The following NPHP4 variants were observed in gnomAD, a reference collection of about 807,000 sequenced individuals.
The protein encoded by NPHP4 is nephrocystin-4.
In NPHP4, 151 loss-of-function variants were observed where a neutral mutation model predicts 155.8. The observed-to-expected ratio is 0.97, with a 90% CI of 0.85 to 1.11. NPHP4 has a LOEUF of 1.11. Ranked by LOEUF, NPHP4 falls within the 50% of genes least tolerant of loss-of-function variation. The pLI, the probability that NPHP4 is intolerant of heterozygous loss-of-function variation, is 0.00. For missense variants in NPHP4, 1,956 were observed against 1,925.7 expected (o/e 1.02, Z -0.29); for synonymous variants, 845 against 816.8 (o/e 1.03, Z -0.59).
At chr1:5,877,719 C>T (rs572021624) in intron 19 of NPHP4, among the ~76,000 whole-genome samples, 2 of 152,294 alleles carry the variant, frequency 1.3e-5, no homozygotes, top group East Asian at 3.9e-4. Flanking sequence ...TGGCAGGAGG[C>T]CTTCAGTGAG....
intron 9 of NPHP4, among the ~76,000 whole-genome samples, chr1:5,938,958 A>G (rs1053338049): frequency 6.6e-6 from 1 of 152,252 alleles, no homozygotes; most frequent in African/African-American, 2.4e-5. Flanking sequence ...ACGGAAAATT[A>G]CTGTATCTTG....
At position 5,874,945 on chromosome 1, in the gene NPHP4, A is replaced by T; in HGVS notation, c.2973T>A (p.Phe991Leu). 1 of 1,613,448 alleles carries T rather than the reference A, an allele frequency of 6.2e-7. No homozygotes were observed. Among genetic ancestry groups the T allele is most frequent in the Non-Finnish European group, 8.5e-7 (1 of 1,179,814 alleles). ...LHATLGVAEF[F>L]EFVLKNPHNT... ...TGTGGGGGTTCTTAAGCACAAACTCAAAGAACTCGGCGACCCCCAGCGTGG... is the reference window on the plus strand; with the variant it reads ...TGTGGGGGTTCTTAAGCACAAACTCTAAGAACTCGGCGACCCCCAGCGTGG... The change falls in exon 21 of 30, where the codon TTT (phenylalanine) becomes TTA (leucine). Residue 991 changes from phenylalanine (F) to leucine (L), a missense_variant. Transcript: ENST00000378156.
intron 9 of NPHP4, among the ~76,000 whole-genome samples, chr1:5,935,029 G>A (rs12098207): frequency 0.023 from 3,557 of 152,122 alleles, 93 homozygotes; most frequent in African/African-American, 0.071. Context: ...TCTAAAATCC[G>A]GACACAGATG....
chr1:5,940,726 A>C (rs1460572355), intron 9 of NPHP4, among the ~76,000 whole-genome samples: 1 of 152,232 alleles, frequency 6.6e-6, no homozygotes, highest in Admixed American at 6.5e-5. Context: ...ACCCATGAAA[A>C]AATTTAATAA....
Position 5,892,596 on chromosome 1 carries a change from C to T in NPHP4, c.2144-1568G>A, listed in dbSNP as rs1287304521. On this transcript the variant is annotated intron_variant, in intron 16 of 29. Transcript: ENST00000378156. This position sits in a 1 kb window ranked among gnomAD's most constrained non-coding sequence, Gnocchi z 4.5. ...GGTGACAGAATGGGGGCCGGTCCAG[C>T]GGGGCACTGGAAGGAGCTCCCCAGG... is the stretch of plus-strand genomic sequence containing the variant. 6.6e-6 allele frequency among the ~76,000 whole-genome samples: 1 copy of T among 152,068 alleles called. No homozygotes were observed. The highest frequency in any genetic ancestry group is 6.5e-5 in the Admixed American group (1 of 15,278).
At chr1:5,886,086 G>A (rs1400636166) in intron 18 of NPHP4, among the ~76,000 whole-genome samples, 1 of 152,228 alleles carries the variant, frequency 6.6e-6, no homozygotes, top group Non-Finnish European at 1.5e-5. Flanking sequence ...TGGAGTCACT[G>A]CACATTTGGT....
intron 29 of NPHP4, chr1:5,863,657 T>C: frequency 1.3e-5 from 8 of 622,104 alleles, no homozygotes; most frequent in Admixed American, 2.8e-5. Context: ...AACATTACCA[T>C]GAAAAGCCCT....
chr1:5,877,014 G>A, intron 20 of NPHP4, 79 bp downstream of exon 20: 1 of 962,618 alleles, frequency 1.0e-6, no homozygotes, highest in East Asian at 3.3e-5. Context: ...AGAATCATGT[G>A]GGAGGCAGGG....
At position 5,933,134 on chromosome 1, in the gene NPHP4, C is replaced by T; in HGVS notation, c.1302+13G>A. On this transcript the variant is annotated intron_variant, in intron 10 of 29. Coordinates refer to ENST00000378156, the MANE Select transcript of NPHP4 (RefSeq NM_015102.5). The stretch of plus-strand genomic sequence containing the variant: ...GCTCACCGGAGATGCATAAGAAATA[C>T]CTAATAATTTACCTCTTCAGAGCTC... The T allele has an allele frequency of 6.6e-7, 1 of 1,519,424 alleles. No individual in the cohort carries two copies. The highest frequency in any genetic ancestry group is 1.4e-5 in the African/African-American group (1 of 72,326). The allele number at this position is 1,519,424 out of a possible 1,614,324, so 94.1% of individuals were successfully genotyped here.
At chr1:5,911,183 C>G (rs12072386) in intron 11 of NPHP4, among the ~76,000 whole-genome samples, 29,872 of 152,124 alleles carry the variant, frequency 0.2, 3,266 homozygotes, top group African/African-American at 0.3. Flanking sequence ...AGGGGCCCAG[C>G]TGTCCTCAAA....
At position 5,877,241 on chromosome 1, in the gene NPHP4, A is replaced by T. The variant is rs746815980; in HGVS notation, c.2669T>A (p.Met890Lys). Residue 890 changes from methionine (M) to lysine (K), a missense_variant, in exon 20 of 30, where the codon ATG becomes AAG. Transcript: ENST00000378156. The part of the protein sequence containing the change: ...LADVDSELAA[M>K]LLTHARQGKG... The stretch of plus-strand genomic sequence containing the variant: ...GCCCTGCCGGGCATGGGTCAGTAGC[A>T]TGGCAGCCAGCTCACTGTCCACGTC... 6.2e-7 allele frequency: 1 copy of T among 1,608,636 alleles called. No individual in the cohort carries two copies. Among genetic ancestry groups the T allele is most frequent in the Admixed American group, 1.7e-5 (1 of 59,752 alleles).
chr1:5,964,935 A>ATTTTTTTTTTTT lies in NPHP4; in HGVS notation c.517+2363_517+2364insAAAAAAAAAAAA, dbSNP rs1476774217. Among the ~76,000 whole-genome samples, 60 of 31,938 alleles carry ATTTTTTTTTTTT rather than the reference A, an allele frequency of 1.9e-3. 3 individuals carry two copies. The highest frequency in any genetic ancestry group is 4.1e-3 in the African/African-American group (21 of 5,116). The allele number at this position is 31,938 out of a possible 152,430, so 21.0% of individuals were successfully genotyped here. A position where few individuals can be genotyped will look rare whatever the true frequency, so the allele number is the denominator to read the frequency against. ...ATATATATTATATATATATATATAT[A>ATTTTTTTTTTTT]TATATATTTTTTTTTTTTGAGGCAG... On this transcript the variant is annotated intron_variant, in intron 5 of 29. Coordinates refer to ENST00000378156, the MANE Select transcript of NPHP4 (RefSeq NM_015102.5).
intron 17 of NPHP4, chr1:5,888,705 A>C: frequency 2.1e-6 from 2 of 972,442 alleles, no homozygotes; most frequent in South Asian, 1.4e-5. Flanking sequence ...TTCCTCCCAA[A>C]TCATTATCAA....
rs188641588 is a variant in NPHP4, at chr1:5,912,646, G to C, written c.1442-3433C>G. 5.4e-3 allele frequency among the ~76,000 whole-genome samples: 825 copies of C among 152,268 alleles called. 4 individuals carry two copies. Among genetic ancestry groups the C allele is most frequent in the Non-Finnish European group, 6.5e-3 (441 of 68,020 alleles). On this transcript the variant is annotated intron_variant, in intron 11 of 29. Transcript: ENST00000378156. ...TAACCACACCCATGAGACATGCTAG[G>C]AAACGCGTATTCCTACATTGCCCAT...
intron 6 of NPHP4, among the ~76,000 whole-genome samples, 190 bp downstream of exon 6, chr1:5,961,604 G>A (rs1274912529): frequency 6.6e-6 from 1 of 152,124 alleles, no homozygotes; most frequent in Admixed American, 6.5e-5. Context: ...TATTTAGGAG[G>A]GAAACGGAAA....
At chr1:5,871,258 A>T (rs987661704) in intron 23 of NPHP4, among the ~76,000 whole-genome samples, 6 of 152,182 alleles carry the variant, frequency 3.9e-5, no homozygotes, top group South Asian at 2.1e-4. Context: ...CTTGTTATTT[A>T]AAAAAGGCAC....
intron 11 of NPHP4, among the ~76,000 whole-genome samples, chr1:5,913,632 G>A (rs1293066462): frequency 2.0e-5 from 3 of 152,174 alleles, no homozygotes; most frequent in Non-Finnish European, 2.9e-5. Context: ...CACTGCCAAC[G>A]TCTTCACACT....
At chr1:5,918,438 A>C (rs527461494) in intron 11 of NPHP4, among the ~76,000 whole-genome samples, 19 of 152,360 alleles carry the variant, frequency 1.2e-4, no homozygotes, top group African/African-American at 4.1e-4. Context: ...AAATGATTTT[A>C]TTATTAAACA....
chr1:5,919,312 T>C (rs74824667), intron 11 of NPHP4, among the ~76,000 whole-genome samples: 3,109 of 152,332 alleles, frequency 0.02, 36 homozygotes, highest in South Asian at 0.026. Flanking sequence ...TTAATACTTT[T>C]TTTGAACAGT....
Sources: gnomAD v4.1 joint callset for allele counts (sites outside exome capture counted in the v4.1 genomes callset) on GRCh38, gnomAD v4.1.1 for gene constraint, Gnocchi (gnomAD v3.1) non-coding constraint, MANE v1.5 for transcripts, NCBI Gene and HGNC (gene_info 2026-07-23, HGNC 2026-07-21) for gene names.